The following EYS variants were observed in gnomAD, a reference collection of about 807,000 sequenced individuals.
The protein encoded by EYS is EGF-like photoreceptor maintenance factor, also known as protein eyes shut homolog.
In EYS, 250 loss-of-function variants were observed where a neutral mutation model predicts 282.1. The observed-to-expected ratio is 0.89, with a 90% CI of 0.80 to 0.98. The LOEUF (loss-of-function observed/expected upper bound fraction) is 0.98, where lower values mean the gene tolerates loss of function less well. Ranked by LOEUF, EYS falls within the 50% of genes least tolerant of loss-of-function variation. The pLI, the probability that EYS is intolerant of heterozygous loss-of-function variation, is 0.00. For synonymous variants in EYS, 1,355 were observed against 1,282.9 expected (o/e 1.06, Z -1.20); for missense variants, 4,016 against 3,709.0 (o/e 1.08, Z -2.15).
At chr6:64,514,131 TTGTC>T (rs1217654293) in intron 26 of EYS, among the ~76,000 whole-genome samples, 1 of 151,722 alleles carries the variant, frequency 6.6e-6, no homozygotes, top group Non-Finnish European at 1.5e-5. Context: ...GAATGGCTCA[TTGTC>T]TGAGCTCCCC....
intron 8 of EYS, among the ~76,000 whole-genome samples, chr6:65,360,758 T>C (rs1764671963): frequency 6.6e-6 from 1 of 152,104 alleles, no homozygotes; most frequent in South Asian, 2.1e-4. Flanking sequence ...GAGCTCACAG[T>C]CTAATGTGTG....
At chr6:64,518,634 C>T (rs1270047996) in intron 26 of EYS, among the ~76,000 whole-genome samples, 7 of 151,706 alleles carry the variant, frequency 4.6e-5, no homozygotes, top group African/African-American at 1.5e-4. Context: ...TGCGTCCCCA[C>T]CGAAATCTCA....
intron 24 of EYS, among the ~76,000 whole-genome samples, chr6:64,598,049 A>G (rs1410938981): frequency 1.3e-5 from 2 of 152,268 alleles, no homozygotes; most frequent in Non-Finnish European, 2.9e-5. Flanking sequence ...CAAAAGAACT[A>G]TAAAGTGTCT....
At chr6:65,569,913 T>G (rs1340982924) in intron 2 of EYS, among the ~76,000 whole-genome samples, 1 of 152,174 alleles carries the variant, frequency 6.6e-6, no homozygotes, top group African/African-American at 2.4e-5. Flanking sequence ...TTTAATTCTT[T>G]TATCTTGATA....
At chr6:64,198,076 T>A (rs1435197427) in intron 31 of EYS, among the ~76,000 whole-genome samples, 1 of 151,948 alleles carries the variant, frequency 6.6e-6, no homozygotes, top group Non-Finnish European at 1.5e-5. Context: ...CACTGCAAGC[T>A]CCGCTTCCCG....
intron 26 of EYS, among the ~76,000 whole-genome samples, chr6:64,496,212 T>C (rs1776884630): frequency 6.6e-6 from 1 of 151,936 alleles, no homozygotes; most frequent in Non-Finnish European, 1.5e-5. Flanking sequence ...TATTTATAAA[T>C]ACTGAATATT....
At chr6:65,662,661 C>T (rs914896825) in intron 1 of EYS, among the ~76,000 whole-genome samples, 2 of 152,082 alleles carry the variant, frequency 1.3e-5, no homozygotes, top group Non-Finnish European at 2.9e-5. Flanking sequence ...GTGGAAACCC[C>T]GTATTGAAGA....
At chr6:64,064,018 C>T (rs955780036) in intron 33 of EYS, among the ~76,000 whole-genome samples, 2 of 152,172 alleles carry the variant, frequency 1.3e-5, no homozygotes, top group African/African-American at 2.4e-5. Context: ...TTGCCTGAAA[C>T]TCATAACCAC....
intron 31 of EYS, among the ~76,000 whole-genome samples, chr6:64,143,792 C>A (rs1466970011): frequency 6.6e-6 from 1 of 152,134 alleles, no homozygotes; most frequent in African/African-American, 2.4e-5. Flanking sequence ...TTAGCTAAGC[C>A]AAAATGAGTT....
At chr6:65,364,717 C>A (rs1307401071) in intron 8 of EYS, among the ~76,000 whole-genome samples, 1 of 151,474 alleles carries the variant, frequency 6.6e-6, no homozygotes, top group Non-Finnish European at 1.5e-5. Flanking sequence ...TCCTTCTCCC[C>A]GGATGACACC....
At chr6:65,468,799 C>T (rs557521869) in intron 5 of EYS, among the ~76,000 whole-genome samples, 2 of 151,940 alleles carry the variant, frequency 1.3e-5, no homozygotes, top group African/African-American at 2.4e-5. Flanking sequence ...TCAAGAAAAA[C>T]CAAAACTGAA....
At chr6:65,097,812 AAC>A (rs1196237111) in intron 12 of EYS, among the ~76,000 whole-genome samples, 3 of 150,870 alleles carry the variant, frequency 2.0e-5, no homozygotes, top group African/African-American at 7.3e-5. Flanking sequence ...TAAAAAAAAA[AAC>A]AAAGTACAAT....
chr6:65,512,902 A>T (rs1233872923), intron 2 of EYS, among the ~76,000 whole-genome samples: 2 of 152,322 alleles, frequency 1.3e-5, no homozygotes, highest in East Asian at 3.9e-4. Flanking sequence ...GAGCAAACAC[A>T]TTCAAAAGCT....
At chr6:64,810,938 T>G (rs574052018) in intron 22 of EYS, among the ~76,000 whole-genome samples, 1 of 152,188 alleles carries the variant, frequency 6.6e-6, no homozygotes, top group South Asian at 2.1e-4. Flanking sequence ...GTGACATGAT[T>G]CTTTTTGATT....
chr6:65,468,332 A>G (rs1468117933), intron 5 of EYS, among the ~76,000 whole-genome samples: 1 of 152,034 alleles, frequency 6.6e-6, no homozygotes, highest in Non-Finnish European at 1.5e-5. Context: ...GGGAAATTTT[A>G]TTCTTACTTC....
chr6:64,983,758 C>T (rs113064343), intron 14 of EYS, among the ~76,000 whole-genome samples: 6,251 of 150,824 alleles, frequency 0.041, 143 homozygotes, highest in South Asian at 0.088. Context: ...AGTTTTAAGA[C>T]TCAATTTTGT....
intron 33 of EYS, among the ~76,000 whole-genome samples, chr6:64,058,404 TAA>T (rs1758972980): frequency 6.6e-6 from 1 of 152,172 alleles, no homozygotes. Context: ...TTTTTCACAA[TAA>T]AGTCTCTTTC....
At chr6:65,267,806 T>G (rs919256284) in intron 12 of EYS, among the ~76,000 whole-genome samples, 1 of 151,994 alleles carries the variant, frequency 6.6e-6, no homozygotes, top group Admixed American at 6.6e-5. Context: ...GAAATCTGTT[T>G]CCTGCAAAGT....
chr6:65,466,946 C>A (rs533928504), intron 5 of EYS, among the ~76,000 whole-genome samples: 8 of 152,292 alleles, frequency 5.3e-5, no homozygotes, highest in Non-Finnish European at 1.0e-4. Flanking sequence ...TCTAGCTCAT[C>A]AATGCCCAGC....
Sources: gnomAD v4.1 joint callset for allele counts (sites outside exome capture counted in the v4.1 genomes callset) on GRCh38, gnomAD v4.1.1 for gene constraint, MANE v1.5 for transcripts, NCBI Gene and HGNC (gene_info 2026-07-23, HGNC 2026-07-21) for gene names.